PRKAR2A: variants seen among roughly 807,000 people sequenced by gnomAD.
The protein encoded by PRKAR2A is cAMP-dependent protein kinase type II-alpha regulatory subunit.
In PRKAR2A, 29 loss-of-function variants were observed where a neutral mutation model predicts 51.9. The observed-to-expected ratio is 0.56, with a 90% CI of 0.42 to 0.76. The LOEUF is 0.76. PRKAR2A is among the 30% of genes least tolerant of loss of function. PRKAR2A has a pLI of 0.00. For synonymous variants in PRKAR2A, 178 were observed against 186.2 expected (o/e 0.96, Z 0.36); for missense variants, 445 against 512.1 (o/e 0.87, Z 1.26).
chr3:48,804,280 G>A (rs1575905063), intron 2 of PRKAR2A, among the ~76,000 whole-genome samples: 1 of 152,054 alleles, frequency 6.6e-6, no homozygotes, highest in African/African-American at 2.4e-5. Flanking sequence ...AGGCAACATG[G>A]CGAAACCCTG....
Position 48,751,638 on chromosome 3 carries a change from G to C in PRKAR2A, c.1162C>G (p.Gln388Glu), listed in dbSNP as rs2081649760. 1 of 1,614,012 alleles carries C rather than the reference G, an allele frequency of 6.2e-7. No individual in the cohort carries two copies. Among genetic ancestry groups the C allele is most frequent in the Admixed American group, 1.7e-5 (1 of 59,994 alleles). ...CTGGAGCCAAACATCTTCACCAGCT[G>C]TTCCTCATAGTGTGAGATGTTCCTC... Reference protein sequence around the residue: ...MKRNISHYEEQLVKMFGSSVD... With the variant: ...MKRNISHYEEELVKMFGSSVD... The change falls in exon 11 of 11, where the codon CAG becomes GAG. Residue 388 changes from glutamine (Q) to glutamate (E), a missense_variant. By Grantham distance (29) the Gln-to-Glu change is conservative. Coordinates refer to ENST00000265563, the MANE Select transcript of PRKAR2A (RefSeq NM_004157.4).
intron 6 of PRKAR2A, among the ~76,000 whole-genome samples, chr3:48,768,182 T>A (rs1252550966): frequency 6.6e-6 from 1 of 151,618 alleles, no homozygotes; most frequent in Non-Finnish European, 1.5e-5. Flanking sequence ...TGGTCCCAGT[T>A]ACTGGGGAGG....
At chr3:48,785,702 A>T (rs2082280267) in intron 4 of PRKAR2A, among the ~76,000 whole-genome samples, 2 of 152,100 alleles carry the variant, frequency 1.3e-5, no homozygotes, top group African/African-American at 4.8e-5. Context: ...TAGCCAGAAA[A>T]TATTCTTGTT....
In PRKAR2A at chr3:48,794,004, T is replaced by C. The variant is rs757188386; in HGVS notation, c.344A>G (p.Asp115Gly). 18 of 1,603,116 alleles carry C rather than the reference T, an allele frequency of 1.1e-5. No homozygotes were observed. The Admixed American group carries it at 3.0e-4, about 27-fold the overall frequency. Residue 115 changes from aspartate (D) to glycine (G), a missense_variant, in exon 3 of 11, where the codon GAT (aspartate) becomes GGT (glycine). Physicochemically the swap from Asp to Gly is moderately conservative, Grantham distance 94. Transcript: ENST00000265563. ...YNPDEEEEDT[D>G]PRVIHPKTDE... is the part of the protein sequence containing the mutation. ...CTTTGCTTTGGGTCTTACCCTTGGA[T>C]CTGTATCTTCCTCTTCCTCATCAGG... is the stretch of plus-strand genomic sequence containing the variant.
downstream of PRKAR2A, among the ~76,000 whole-genome samples, chr3:48,745,073 C>T (rs2081545210): frequency 6.6e-6 from 1 of 151,936 alleles, no homozygotes; most frequent in Admixed American, 6.6e-5. Context: ...CGGGGTTTCA[C>T]CATGTTGGCC....
chr3:48,773,180 T>C (rs1048639790), intron 5 of PRKAR2A, 72 bp from the exon 6 acceptor site: 17 of 1,237,786 alleles, frequency 1.4e-5, no homozygotes, highest in South Asian at 7.7e-5. Context: ...CAGGTACATA[T>C]AATAGAAAAT....
chr3:48,824,505 A>G (rs954679441), intron 1 of PRKAR2A, among the ~76,000 whole-genome samples: 10 of 151,804 alleles, frequency 6.6e-5, no homozygotes, highest in African/African-American at 2.4e-4. Context: ...GTGACATGAA[A>G]TTTACACATG....
intron 8 of PRKAR2A, among the ~76,000 whole-genome samples, chr3:48,757,748 C>T (rs2081794951): frequency 6.6e-6 from 1 of 151,626 alleles, no homozygotes. Context: ...AATGGTGAAA[C>T]CTTGTCTCTA....
chr3:48,835,497 C>T lies in PRKAR2A; in HGVS notation c.262+11838G>A, dbSNP rs141251586. Among the ~76,000 whole-genome samples, 130 of 151,848 alleles carry T rather than the reference C, an allele frequency of 8.6e-4. 4 individuals are homozygous for T. The East Asian group carries it at 0.022, about 26-fold the overall frequency. ...TATACTAAAAATACAAAAAATTAGG[C>T]GGGCGTGGTGGCAGACGCCTGTAGT... On this transcript the variant is annotated intron_variant, in intron 1 of 10. Transcript: ENST00000265563.
chr3:48,799,616 C>CA lies in PRKAR2A; in HGVS notation c.299-5568dup, dbSNP rs1225131646. On this transcript the variant is annotated intron_variant, in intron 2 of 10. Coordinates refer to ENST00000265563, the MANE Select transcript of PRKAR2A (RefSeq NM_004157.4). Reference sequence around the variant, plus strand: ...AATCAGTATTTTATTATATAGTAAGCACATAAGCCTTAAAGGGCAGGGATG... The same window carrying CA: ...AATCAGTATTTTATTATATAGTAAGCAACATAAGCCTTAAAGGGCAGGGATG... Among the ~76,000 whole-genome samples the CA allele has an allele frequency of 2.6e-5, 4 of 152,142 alleles. No individual in the cohort carries two copies. The East Asian group carries it at 7.7e-4, about 29-fold the overall frequency.
chr3:48,835,243 T>G (rs2083261752), intron 1 of PRKAR2A, among the ~76,000 whole-genome samples: 1 of 150,816 alleles, frequency 6.6e-6, no homozygotes, highest in Non-Finnish European at 1.5e-5. Flanking sequence ...AGTGCTGGGA[T>G]TACAGGCGTG....
intron 1 of PRKAR2A, among the ~76,000 whole-genome samples, chr3:48,829,871 A>ATATATTTTTT (rs1297832658): frequency 1.1e-5 from 1 of 87,732 alleles, no homozygotes; most frequent in African/African-American, 5.4e-5. Flanking sequence ...ATATATATAT[A>ATATATTTTTT]TTTTTTTTTT....
At chr3:48,843,060 G>A (rs1340190084) in intron 1 of PRKAR2A, among the ~76,000 whole-genome samples, 1 of 152,080 alleles carries the variant, frequency 6.6e-6, no homozygotes, top group African/African-American at 2.4e-5. Flanking sequence ...CTTTTTGGTT[G>A]GTAAGCTGTT....
At chr3:48,756,939 C>T (rs1373585263) in intron 8 of PRKAR2A, among the ~76,000 whole-genome samples, 1 of 152,172 alleles carries the variant, frequency 6.6e-6, no homozygotes, top group Non-Finnish European at 1.5e-5. Context: ...AGTCCCAGGA[C>T]GTATCACTGC....
intron 2 of PRKAR2A, among the ~76,000 whole-genome samples, chr3:48,795,122 G>A (rs2082469560): frequency 6.6e-6 from 1 of 151,928 alleles, no homozygotes; most frequent in South Asian, 2.1e-4. Context: ...GACTACAGGC[G>A]CCTGCAACCA....
intron 2 of PRKAR2A, among the ~76,000 whole-genome samples, chr3:48,807,070 C>G (rs989762425): frequency 5.9e-5 from 9 of 152,122 alleles, no homozygotes; most frequent in African/African-American, 2.2e-4. Context: ...CGCGCCTGGA[C>G]AGCATTCATT....
intron 2 of PRKAR2A, among the ~76,000 whole-genome samples, chr3:48,800,863 CAG>C (rs1224076430): frequency 6.6e-6 from 1 of 151,832 alleles, no homozygotes; most frequent in African/African-American, 2.4e-5. Context: ...TTAGTAGAGA[CAG>C]GGTTTCACCG....
intron 8 of PRKAR2A, among the ~76,000 whole-genome samples, chr3:48,762,384 A>G (rs1353943901): frequency 6.6e-6 from 1 of 152,238 alleles, no homozygotes; most frequent in Non-Finnish European, 1.5e-5. Flanking sequence ...TGAAGTTAAA[A>G]TATAATTTAG....
At chr3:48,801,872 G>A (rs1247546761) in intron 2 of PRKAR2A, among the ~76,000 whole-genome samples, 1 of 152,180 alleles carries the variant, frequency 6.6e-6, no homozygotes, top group Non-Finnish European at 1.5e-5. Context: ...AAGAAGCTGG[G>A]ATACAGGCAT....
Sources: allele counts gnomAD v4.1 joint callset (sites outside exome capture counted in the v4.1 genomes callset), GRCh38; gene constraint gnomAD v4.1.1; transcripts MANE v1.5; gene names NCBI Gene and HGNC (gene_info 2026-07-23, HGNC 2026-07-21).